Variants in MPDZ observed in about 807,000 individuals in gnomAD.
MPDZ encodes the protein multiple PDZ domain crumbs cell polarity complex component, also known as multiple PDZ domain protein.
A neutral mutation model predicts 239.1 loss-of-function variants in MPDZ; 234 were observed. The ratio of observed to expected loss-of-function variants is 0.98; its 90% CI spans 0.88 to 1.09. The LOEUF (loss-of-function observed/expected upper bound fraction) is 1.09. Ranked by LOEUF, MPDZ falls within the 50% of genes least tolerant of loss-of-function variation. The probability of loss-of-function intolerance (pLI) is 0.00; values close to 1 mark genes in which losing one functional copy is unlikely to be tolerated. For synonymous variants in MPDZ, 1,048 were observed against 881.3 expected (o/e 1.19, Z -3.35); for missense variants, 3,175 against 2,510.0 (o/e 1.26, Z -5.66).
intron 1 of MPDZ, 118 bp downstream of exon 1, chr9:13,279,276 TCCCCGC>T (rs1975073429): frequency 7.8e-5 from 8 of 102,372 alleles, no homozygotes; most frequent in Admixed American, 1.7e-4. Context: ...CCCACCCCCA[TCCCCGC>T]CCCCACCCCC....
At chr9:13,136,325 C>CTGTTTTTTTTT (rs1946756478) in intron 30 of MPDZ, 143 bp from the exon 31 acceptor site, 1 of 146,224 alleles carries the variant, frequency 6.8e-6, no homozygotes, top group East Asian at 2.3e-4. Context: ...CAAACGTTTT[C>CTGTTTTTTTTT]TTTTTTTTTT....
chr9:13,159,469 A>G (rs1423527333), intron 23 of MPDZ, among the ~76,000 whole-genome samples: 3 of 152,156 alleles, frequency 2.0e-5, no homozygotes, highest in Non-Finnish European at 4.4e-5. Flanking sequence ...AGAAATAGTA[A>G]AAGTGAAATC....
chr9:13,167,215 T>A (rs1951185237), intron 22 of MPDZ, among the ~76,000 whole-genome samples: 1 of 152,104 alleles, frequency 6.6e-6, no homozygotes, highest in Non-Finnish European at 1.5e-5. Context: ...TTTCTTATGA[T>A]AAAAGGACTG....
At chr9:13,244,064 G>A (rs1966035201) in intron 3 of MPDZ, among the ~76,000 whole-genome samples, 1 of 152,060 alleles carries the variant, frequency 6.6e-6, no homozygotes, top group African/African-American at 2.4e-5. Flanking sequence ...TTAAGTATTG[G>A]TCCTAAATTT....
chr9:13,244,784 G>A (rs1474186186), intron 3 of MPDZ, among the ~76,000 whole-genome samples: 3 of 152,000 alleles, frequency 2.0e-5, no homozygotes, highest in East Asian at 3.9e-4. Flanking sequence ...GGATCTGAGG[G>A]GAAAAAATTG....
At chr9:13,241,623 C>T (rs576675614) in intron 3 of MPDZ, among the ~76,000 whole-genome samples, 3 of 152,200 alleles carry the variant, frequency 2.0e-5, no homozygotes, top group Non-Finnish European at 2.9e-5. Context: ...AACACAGGCA[C>T]TTCTGCTCTT....
intron 12 of MPDZ, among the ~76,000 whole-genome samples, chr9:13,200,908 G>A (rs575911982): frequency 6.6e-6 from 1 of 152,112 alleles, no homozygotes; most frequent in South Asian, 2.1e-4. Context: ...GGAACGTTCT[G>A]TAAATGTCTA....
Position 13,176,424 on chromosome 9 carries a change from G to A in MPDZ, c.2650-7C>T. 6.6e-7 allele frequency: 1 copy of A among 1,526,114 alleles called. No homozygotes were observed. 94.5% of individuals were successfully genotyped at this position (1,526,114 alleles called of 1,614,324 possible). On this transcript the variant is annotated splice_polypyrimidine_tract_variant and splice_region_variant and intron_variant, in intron 19 of 46. Coordinates refer to ENST00000319217, the MANE Select transcript of MPDZ (RefSeq NM_001378778.1). ...AAGAATTTTCAATAACATCCTGGTAGTTAAAAAACAACAACAACAAAACAT... is the reference window on the plus strand; with the variant it reads ...AAGAATTTTCAATAACATCCTGGTAATTAAAAAACAACAACAACAAAACAT...
At chr9:13,195,137 A>C (rs1042498620) in intron 13 of MPDZ, among the ~76,000 whole-genome samples, 5 of 151,892 alleles carry the variant, frequency 3.3e-5, no homozygotes, top group Non-Finnish European at 2.9e-5. Context: ...AAAATACAAA[A>C]ATCAGTTGGG....
chr9:13,180,119 G>C (rs1017749191), intron 19 of MPDZ, among the ~76,000 whole-genome samples: 6 of 152,112 alleles, frequency 3.9e-5, no homozygotes, highest in Admixed American at 2.0e-4. Flanking sequence ...TGATTAGAGT[G>C]ATTTAGTTTT....
chr9:13,235,748 C>A (rs1002235291), intron 3 of MPDZ, among the ~76,000 whole-genome samples: 1 of 152,008 alleles, frequency 6.6e-6, no homozygotes, highest in South Asian at 2.1e-4. Flanking sequence ...CTGCACCTGC[C>A]CCTATATAGG....
intron 26 of MPDZ, among the ~76,000 whole-genome samples, chr9:13,147,079 T>C (rs899573769): frequency 6.6e-6 from 1 of 151,960 alleles, no homozygotes; most frequent in Non-Finnish European, 1.5e-5. Flanking sequence ...TAACGTTCAG[T>C]GGGATACACA....
chr9:13,205,927 C>T lies in MPDZ; in HGVS notation c.1463G>A (p.Ser488Asn). ...KDADLSPVNA[S>N]IIKENYEKDE... ...TAACATAGGATTACCTTTGATTATG[C>T]TGGCATTAACAGGAGACAAATCTGC... Residue 488 changes from serine to asparagine, a missense_variant, in exon 11 of 47, where the codon AGC (serine) becomes AAC (asparagine). Ser to Asn is a conservative substitution (Grantham distance 46, BLOSUM62 1). Coordinates refer to ENST00000319217, the MANE Select transcript of MPDZ (RefSeq NM_001378778.1). 2.5e-6 allele frequency: 4 copies of T among 1,593,640 alleles called. No individual in the cohort carries two copies. The highest frequency in any genetic ancestry group is 3.4e-6 in the Non-Finnish European group (4 of 1,170,404).
chr9:13,179,053 A>C (rs1432850801), intron 19 of MPDZ, among the ~76,000 whole-genome samples: 1 of 152,060 alleles, frequency 6.6e-6, no homozygotes. Context: ...AATTTATTAC[A>C]CTCCTTTCCT....
At position 13,221,415 on chromosome 9, in the gene MPDZ, C is replaced by A. The variant is rs2136275565; in HGVS notation, c.833G>T (p.Gly278Val). ...GFGIIGGKATGVIVKTILPGG... is the reference protein window; with the variant it reads ...GFGIIGGKATVVIVKTILPGG... ...AGGCAGAATGGTTTTTACTATCACA[C>A]CAGTTGCTTTTCCTCCTATGATGCC... Residue 278 changes from glycine (G) to valine (V), a missense_variant, in exon 7 of 47, where the codon GGT becomes GTT. By Grantham distance (109) the Gly-to-Val change is moderately radical. Coordinates refer to ENST00000319217, the MANE Select transcript of MPDZ (RefSeq NM_001378778.1). The A allele has an allele frequency of 6.2e-7, 1 of 1,611,238 alleles. No homozygotes were observed. The highest frequency in any genetic ancestry group is 2.2e-5 in the East Asian group (1 of 44,716).
At chr9:13,210,912 A>G (rs1957546955) in intron 10 of MPDZ, among the ~76,000 whole-genome samples, 2 of 152,156 alleles carry the variant, frequency 1.3e-5, no homozygotes, top group African/African-American at 4.8e-5. Context: ...AGGCTCACTT[A>G]GCACAAAGCC....
intron 40 of MPDZ, among the ~76,000 whole-genome samples, chr9:13,114,472 G>A (rs1201804736): frequency 1.3e-5 from 2 of 152,080 alleles, no homozygotes; most frequent in Non-Finnish European, 2.9e-5. Context: ...CTGAGGAGAA[G>A]GTCAAGAGGT....
chr9:13,246,414 C>T (rs900647759), intron 3 of MPDZ, among the ~76,000 whole-genome samples: 6 of 152,132 alleles, frequency 3.9e-5, no homozygotes, highest in Non-Finnish European at 5.9e-5. Context: ...TGCACTGCAA[C>T]CTGAGTGGCA....
At chr9:13,208,619 T>C (rs527837546) in intron 10 of MPDZ, among the ~76,000 whole-genome samples, 16 of 150,832 alleles carry the variant, frequency 1.1e-4, no homozygotes, top group African/African-American at 3.6e-4. Context: ...TGTAATTATG[T>C]ATATGTACAC....
Sources: gnomAD v4.1 joint callset for allele counts (sites outside exome capture counted in the v4.1 genomes callset) on GRCh38, gnomAD v4.1.1 for gene constraint, MANE v1.5 for transcripts, NCBI Gene and HGNC (gene_info 2026-07-23, HGNC 2026-07-21) for gene names.